Variants in FGGY observed in about 807,000 individuals in gnomAD.
FGGY encodes the protein FGGY carbohydrate kinase domain-containing protein.
FGGY carries 72 observed loss-of-function variants against 71.3 expected under a neutral mutation model. That is an observed-to-expected ratio of 1.01 (90% CI 0.84 to 1.23). The LOEUF (loss-of-function observed/expected upper bound fraction) is 1.23, where lower values mean the gene tolerates loss of function less well. FGGY is among the 50% of genes most tolerant of loss of function. FGGY has a pLI of 0.00. For synonymous variants in FGGY, 251 were observed against 250.3 expected (o/e 1.00, Z -0.02); for missense variants, 668 against 682.3 (o/e 0.98, Z 0.23).
chr1:59,327,768 T>A (rs148041192), intron 2 of FGGY, among the ~76,000 whole-genome samples: 1 of 152,366 alleles, frequency 6.6e-6, no homozygotes, highest in East Asian at 1.9e-4. Flanking sequence ...CTTTGATCCA[T>A]GGGCTGCAGA....
chr1:59,542,515 G>A (rs12734070), intron 7 of FGGY, among the ~76,000 whole-genome samples: 23,486 of 135,678 alleles, frequency 0.17, 2,285 homozygotes, highest in South Asian at 0.35. Context: ...GCTGGAGTGC[G>A]ATGGCACGAT....
At chr1:59,690,745 T>G (rs2097581302) in intron 14 of FGGY, among the ~76,000 whole-genome samples, 1 of 152,216 alleles carries the variant, frequency 6.6e-6, no homozygotes, top group Admixed American at 6.5e-5. Context: ...CAGCCACCTG[T>G]GACTAGTTAC....
intron 9 of FGGY, among the ~76,000 whole-genome samples, chr1:59,609,257 A>G (rs2096652435): frequency 6.6e-6 from 1 of 152,244 alleles, no homozygotes; most frequent in Non-Finnish European, 1.5e-5. Flanking sequence ...GTTAGAGAGT[A>G]GGGCAGAGAC....
intron 5 of FGGY, among the ~76,000 whole-genome samples, chr1:59,398,247 A>C (rs835421): frequency 6.7e-6 from 1 of 149,156 alleles, no homozygotes; most frequent in Non-Finnish European, 1.5e-5. Flanking sequence ...GTAAAAAAAA[A>C]TTTTTTTTTT....
chr1:59,327,442 AT>A (rs2047650976), intron 2 of FGGY, among the ~76,000 whole-genome samples: 2 of 152,214 alleles, frequency 1.3e-5, no homozygotes, highest in South Asian at 4.1e-4. Flanking sequence ...ATTCAATTTC[AT>A]CTTCAGGGTC....
chr1:59,428,971 T>A (rs1419076922), intron 5 of FGGY, among the ~76,000 whole-genome samples: 2 of 152,230 alleles, frequency 1.3e-5, no homozygotes, highest in Non-Finnish European at 2.9e-5. Flanking sequence ...AAGGAAACCT[T>A]ACCATTCTTT....
At chr1:59,612,982 C>A (rs951537698) in intron 9 of FGGY, among the ~76,000 whole-genome samples, 2 of 152,280 alleles carry the variant, frequency 1.3e-5, no homozygotes, top group Middle Eastern at 3.4e-3. Context: ...TACAGGAGCA[C>A]CCAGATTCAT....
chr1:59,314,864 G>A (rs1374482718), intron 1 of FGGY, among the ~76,000 whole-genome samples: 1 of 152,220 alleles, frequency 6.6e-6, no homozygotes, highest in Non-Finnish European at 1.5e-5. Context: ...TTGCTTAGCA[G>A]GATGACTTCT....
intron 8 of FGGY, among the ~76,000 whole-genome samples, chr1:59,557,054 A>T (rs766197946): frequency 6.6e-6 from 1 of 152,160 alleles, no homozygotes; most frequent in Non-Finnish European, 1.5e-5. Context: ...TCATGCTGGC[A>T]TGGGAAAGTG....
chr1:59,523,183 A>G (rs1388425135), intron 7 of FGGY, among the ~76,000 whole-genome samples: 1 of 152,208 alleles, frequency 6.6e-6, no homozygotes, highest in Non-Finnish European at 1.5e-5. Context: ...CTGCTAGAAA[A>G]GTGTGTGTTT....
chr1:59,361,164 G>T (rs2055424628), intron 4 of FGGY, among the ~76,000 whole-genome samples: 1 of 152,200 alleles, frequency 6.6e-6, no homozygotes, highest in Non-Finnish European at 1.5e-5. Context: ...GTGCTAACAA[G>T]TTCCTGCCGG....
At chr1:59,392,263 GT>G (rs2060787034) in intron 5 of FGGY, among the ~76,000 whole-genome samples, 1 of 152,144 alleles carries the variant, frequency 6.6e-6, no homozygotes, top group Non-Finnish European at 1.5e-5. Flanking sequence ...AAGAACCTTG[GT>G]AGAGGTTCAA....
chr1:59,351,029 T>TTACATTTTCAA (rs2053178940), intron 4 of FGGY, among the ~76,000 whole-genome samples: 1 of 152,228 alleles, frequency 6.6e-6, no homozygotes, highest in Non-Finnish European at 1.5e-5. Flanking sequence ...GTAAATGGTT[T>TTACATTTTCAA]TACATTTTCA....
chr1:59,571,717 G>A (rs112135633), intron 8 of FGGY, among the ~76,000 whole-genome samples: 4 of 152,106 alleles, frequency 2.6e-5, no homozygotes, highest in African/African-American at 9.6e-5. Context: ...ATCAATAATA[G>A]CATGAATAAC....
intron 8 of FGGY, among the ~76,000 whole-genome samples, chr1:59,574,181 A>G (rs956529878): frequency 6.6e-6 from 1 of 152,240 alleles, no homozygotes; most frequent in Admixed American, 6.5e-5. Context: ...AAGTGTCAAC[A>G]GGGCCGTACT....
At chr1:59,335,496 T>G (rs913681133) in intron 2 of FGGY, among the ~76,000 whole-genome samples, 1 of 152,204 alleles carries the variant, frequency 6.6e-6, no homozygotes, top group Admixed American at 6.5e-5. Context: ...GGAATATCAA[T>G]AATGCTGCTA....
At chr1:59,557,993 C>G (rs1018048579) in intron 8 of FGGY, among the ~76,000 whole-genome samples, 1 of 152,152 alleles carries the variant, frequency 6.6e-6, no homozygotes, top group Non-Finnish European at 1.5e-5. Flanking sequence ...TAGTGGTTCT[C>G]TATCATTGAA....
At chr1:59,682,513 T>G (rs2097510766) in intron 14 of FGGY, among the ~76,000 whole-genome samples, 1 of 152,184 alleles carries the variant, frequency 6.6e-6, no homozygotes, top group Non-Finnish European at 1.5e-5. Flanking sequence ...TTGTAACAGC[T>G]GGGCCTGTAG....
intron 6 of FGGY, among the ~76,000 whole-genome samples, chr1:59,464,043 C>T (rs931531203): frequency 6.6e-6 from 1 of 152,148 alleles, no homozygotes; most frequent in African/African-American, 2.4e-5. Context: ...ACTCTCCACC[C>T]CTAATCAACA....
Sources: allele counts gnomAD v4.1 joint callset (sites outside exome capture counted in the v4.1 genomes callset), GRCh38; gene constraint gnomAD v4.1.1; transcripts MANE v1.5; gene names NCBI Gene and HGNC (gene_info 2026-07-23, HGNC 2026-07-21).